PDE8A: variants seen among roughly 807,000 people sequenced by gnomAD.
The protein encoded by PDE8A is high affinity cAMP-specific and IBMX-insensitive 3',5'-cyclic phosphodiesterase 8A.
In PDE8A, 59 loss-of-function variants were observed where a neutral mutation model predicts 105.0. The observed-to-expected ratio is 0.56, with a 90% CI of 0.46 to 0.70. The LOEUF (loss-of-function observed/expected upper bound fraction) is 0.70, where lower values mean the gene tolerates loss of function less well. Ranked by LOEUF, PDE8A falls within the 30% of genes least tolerant of loss-of-function variation. The pLI is 0.00. For synonymous variants in PDE8A, 355 were observed against 371.9 expected (o/e 0.95, Z 0.52); for missense variants, 1,014 against 1,045.9 (o/e 0.97, Z 0.42).
At chr15:85,073,087 C>G (rs1050010101) in intron 3 of PDE8A, among the ~76,000 whole-genome samples, 9 of 152,130 alleles carry the variant, frequency 5.9e-5, no homozygotes, top group Non-Finnish European at 8.8e-5. Context: ...ACACTTGAGC[C>G]TGGCCGACAG....
chr15:84,989,336 A>G (rs1194293309), intron 1 of PDE8A, among the ~76,000 whole-genome samples: 1 of 152,256 alleles, frequency 6.6e-6, no homozygotes, highest in Non-Finnish European at 1.5e-5. Context: ...TTGGTTGGAA[A>G]TAGACCTTTG....
At chr15:85,077,259 G>A (rs577035386) in intron 5 of PDE8A, among the ~76,000 whole-genome samples, 2 of 152,246 alleles carry the variant, frequency 1.3e-5, no homozygotes, top group East Asian at 3.9e-4. Context: ...AAATAAGGCA[G>A]CCCAAACACA....
At chr15:85,086,772 A>G (rs2081559474) in intron 6 of PDE8A, among the ~76,000 whole-genome samples, 1 of 151,830 alleles carries the variant, frequency 6.6e-6, no homozygotes, top group Non-Finnish European at 1.5e-5. Flanking sequence ...ATTTTTTGAG[A>G]TAGAGTCTCA....
At chr15:85,023,609 GC>G (rs2080465036) in intron 1 of PDE8A, among the ~76,000 whole-genome samples, 1 of 72,378 alleles carries the variant, frequency 1.4e-5, no homozygotes, top group Admixed American at 1.4e-4. Context: ...GTTCAAGATT[GC>G]TAGCAGCATA....
intron 19 of PDE8A, 144 bp downstream of exon 19, chr15:85,123,337 TACACACAC>T (rs58421452): frequency 0.041 from 13,500 of 329,748 alleles, 366 homozygotes; most frequent in African/African-American, 0.12. Flanking sequence ...ACTAATGGGA[TACACACAC>T]ACACACACAC....
intron 5 of PDE8A, among the ~76,000 whole-genome samples, chr15:85,082,716 G>T (rs1483679621): frequency 6.6e-6 from 1 of 152,184 alleles, no homozygotes; most frequent in Non-Finnish European, 1.5e-5. Flanking sequence ...GTAGAGTATT[G>T]TCCACTTATT....
rs527942321 is a variant in PDE8A, at chr15:85,131,293, T to C, written c.2253+4919T>C. Among the ~76,000 whole-genome samples, 12 of 152,360 alleles carry C rather than the reference T, an allele frequency of 7.9e-5. No individual in the cohort carries two copies. In the South Asian group the frequency reaches 2.5e-3, roughly 32 times the overall value. Reference sequence around the variant, plus strand: ...TATTTACACTTAAAATAATTACTGATAGGGAAAGACTTTTGCCACTTTGTT... The same window carrying C: ...TATTTACACTTAAAATAATTACTGACAGGGAAAGACTTTTGCCACTTTGTT... On this transcript the variant is annotated intron_variant, in intron 20 of 21. Coordinates refer to ENST00000394553, the MANE Select transcript of PDE8A (RefSeq NM_002605.3).
chr15:85,089,718 G>T (rs1341233139), intron 7 of PDE8A, among the ~76,000 whole-genome samples: 1 of 152,118 alleles, frequency 6.6e-6, no homozygotes, highest in African/African-American at 2.4e-5. Flanking sequence ...ATGATTGCTG[G>T]GGGCTTGGGG....
intron 3 of PDE8A, among the ~76,000 whole-genome samples, chr15:85,074,993 G>A (rs2081361450): frequency 6.6e-6 from 1 of 152,156 alleles, no homozygotes; most frequent in African/African-American, 2.4e-5. Context: ...TCTGGGTCTG[G>A]GGTGAGTTCC....
At chr15:84,996,339 G>A (rs1034461042) in intron 1 of PDE8A, among the ~76,000 whole-genome samples, 1 of 151,788 alleles carries the variant, frequency 6.6e-6, no homozygotes, top group Admixed American at 6.6e-5. Flanking sequence ...CACCATGCCT[G>A]GCCGATTTTT....
chr15:84,984,612 G>T (rs1035082293), intron 1 of PDE8A, among the ~76,000 whole-genome samples: 1 of 152,122 alleles, frequency 6.6e-6, no homozygotes, highest in African/African-American at 2.4e-5. Context: ...TATCAGTGTG[G>T]GTGGGAGATT....
chr15:85,094,293 T>A (rs2081703359), intron 8 of PDE8A, among the ~76,000 whole-genome samples: 1 of 152,226 alleles, frequency 6.6e-6, no homozygotes, highest in African/African-American at 2.4e-5. Flanking sequence ...TGCAGAAATC[T>A]TCAGCATTTC....
intron 11 of PDE8A, among the ~76,000 whole-genome samples, chr15:85,104,608 A>G (rs1024066440): frequency 6.6e-6 from 1 of 152,132 alleles, no homozygotes; most frequent in Admixed American, 6.5e-5. Flanking sequence ...TGTGTGGGAT[A>G]AAGAGAAGAC....
chr15:85,113,542 A>G, intron 13 of PDE8A, 95 bp downstream of exon 13: 1 of 1,051,736 alleles, frequency 9.5e-7, no homozygotes, highest in Non-Finnish European at 1.5e-6. Flanking sequence ...ACCCGCAGTA[A>G]TGAGCATGCT....
Position 84,982,061 on chromosome 15 carries a change from C to T in PDE8A, c.-102C>T, listed in dbSNP as rs1024280179. ...CCGCGCTCGCCGCCGCCCGCCCAGG[C>T]GGCGATGACACGGCGCCCGCGGCGG... On this transcript the variant is annotated 5_prime_UTR_variant, in exon 1 of 22. Transcript: ENST00000394553. The T allele has an allele frequency of 7.2e-5, 45 of 624,180 alleles. 1 individual carries two copies. Among genetic ancestry groups the T allele is most frequent in the Non-Finnish European group, 2.2e-5 (10 of 449,060 alleles). The allele number at this position is 624,180 out of a possible 1,614,324, so 38.7% of individuals were successfully genotyped here.
At chr15:85,103,214 T>C (rs1381205999) in intron 11 of PDE8A, among the ~76,000 whole-genome samples, 1 of 152,124 alleles carries the variant, frequency 6.6e-6, no homozygotes, top group African/African-American at 2.4e-5. Flanking sequence ...AGCAAGACTC[T>C]GTCTAAAAAA....
chr15:85,136,590 T>C lies in PDE8A; in HGVS notation c.2310T>C (p.Asn770=). 6.2e-7 allele frequency: 1 copy of C among 1,613,704 alleles called. No homozygotes were observed. Among genetic ancestry groups the C allele is most frequent in the Non-Finnish European group, 8.5e-7 (1 of 1,179,664 alleles). The change falls in exon 21 of 22, where the codon AAT becomes AAC. Residue 770 remains asparagine (N), a synonymous_variant. Transcript: ENST00000394553. ...LPVVMPVFDR[N]TCSIPKSQIS... ...TGGTGATGCCAGTGTTTGACAGAAA[T>C]ACCTGCAGCATCCCCAAATCCCAAA...
At chr15:85,027,851 G>A (rs2080544503) in intron 1 of PDE8A, among the ~76,000 whole-genome samples, 1 of 151,846 alleles carries the variant, frequency 6.6e-6, no homozygotes, top group South Asian at 2.1e-4. Context: ...TCATTTTTCT[G>A]ATATGTATAC....
intron 1 of PDE8A, among the ~76,000 whole-genome samples, chr15:85,011,274 A>T (rs560451345): frequency 6.6e-6 from 1 of 152,158 alleles, no homozygotes; most frequent in East Asian, 1.9e-4. Flanking sequence ...AGACATTTAC[A>T]TTACACTTTA....
Sources: allele counts gnomAD v4.1 joint callset (sites outside exome capture counted in the v4.1 genomes callset), GRCh38; gene constraint gnomAD v4.1.1; transcripts MANE v1.5; gene names NCBI Gene and HGNC (gene_info 2026-07-23, HGNC 2026-07-21).